The following PYGB variants were observed in gnomAD, a reference collection of about 807,000 sequenced individuals.
The protein encoded by PYGB is glycogen phosphorylase, brain form.
In PYGB, 82 loss-of-function variants were observed where a neutral mutation model predicts 94.3. The observed-to-expected ratio is 0.87, with a 90% confidence interval of 0.73 to 1.04. The LOEUF (loss-of-function observed/expected upper bound fraction) is 1.04. Ranked by LOEUF, PYGB falls within the 50% of genes least tolerant of loss-of-function variation. The pLI, the probability that PYGB is intolerant of heterozygous loss-of-function variation, is 0.00. For missense variants in PYGB, 1,132 were observed against 1,158.2 expected, an observed-to-expected ratio of 0.98 and a Z score of 0.33; for synonymous variants, 488 against 479.1, an observed-to-expected ratio of 1.02 and a Z score of -0.24.
chr20:25,284,314 G>T, intron 14 of PYGB, 63 bp downstream of exon 14: 8 of 1,569,182 alleles, frequency 5.1e-6, no homozygotes, highest in East Asian at 2.3e-5. Context: ...TTGCCCGCCA[G>T]CTGTGCACAG....
At chr20:25,279,266 T>C in intron 9 of PYGB, 117 bp downstream of exon 9, 1 of 1,146,008 alleles carries the variant, frequency 8.7e-7, no homozygotes, top group African/African-American at 1.5e-5. Context: ...TGTGTGGTCA[T>C]CATGCCCAGG....
At chr20:25,289,671 A>G (rs1368303262) in intron 15 of PYGB, among the ~76,000 whole-genome samples, 2 of 152,084 alleles carry the variant, frequency 1.3e-5, no homozygotes, top group Non-Finnish European at 2.9e-5. Flanking sequence ...AAAAAGAAGG[A>G]AACATTTGAA....
chr20:25,288,247 G>C (rs145579534), intron 14 of PYGB, 178 bp from the exon 15 acceptor site: 15,235 of 740,438 alleles, frequency 0.021, 229 homozygotes, highest in Non-Finnish European at 0.028. Context: ...GTTCCTGGTG[G>C]GTGGGCAGGT....
rs887543846 is a variant in PYGB at position 25,248,109 on chromosome 20, C to T, written c.-70C>T. 4 of 1,486,842 alleles carry T rather than the reference C, an allele frequency of 2.7e-6. No homozygotes were observed. In the African/African-American group the frequency reaches 5.8e-5, roughly 22 times the overall value. 92.1% of individuals were successfully genotyped at this position (1,486,842 alleles called of 1,614,324 possible). On this transcript the variant is annotated 5_prime_UTR_variant, in exon 1 of 20. Coordinates refer to ENST00000216962, the MANE Select transcript of PYGB (RefSeq NM_002862.4). ...CAGAGCAGCGGCGCCAGAGCAGCTG[C>T]ACCATCCCGGCGTTCGCGTGTGCCG...
chr20:25,284,287 G>C (rs969053083), intron 14 of PYGB, 36 bp downstream of exon 14: 2 of 1,598,046 alleles, frequency 1.3e-6, no homozygotes, highest in African/African-American at 1.3e-5. Flanking sequence ...CCGCGCTGTG[G>C]GGCCCAAGGC....
rs202155672 is a variant in PYGB, at chr20:25,296,618, C to G, written c.*96C>G. On this transcript the variant is annotated 3_prime_UTR_variant, in exon 20 of 20. Transcript: ENST00000216962. ...AACACTTTGCCAGCCACTGGTGGTCCCTGCTTTTCTGAGTACCATGTTTCC... is the reference window on the plus strand; with the variant it reads ...AACACTTTGCCAGCCACTGGTGGTCGCTGCTTTTCTGAGTACCATGTTTCC... 2.8e-6 allele frequency: 4 copies of G among 1,453,822 alleles called. No individual in the cohort carries two copies. Among genetic ancestry groups the G allele is most frequent in the African/African-American group, 1.4e-5 (1 of 71,246 alleles). The allele number at this position is 1,453,822 out of a possible 1,614,324, so 90.1% of individuals were successfully genotyped here.
chr20:25,267,675 C>T (rs1480953724), intron 2 of PYGB, among the ~76,000 whole-genome samples: 4 of 152,220 alleles, frequency 2.6e-5, no homozygotes, highest in Admixed American at 6.5e-5. Flanking sequence ...GGACTGTAGG[C>T]GTGCACCACC....
intron 1 of PYGB, among the ~76,000 whole-genome samples, chr20:25,253,227 C>G (rs1280150210): frequency 6.6e-6 from 1 of 152,222 alleles, no homozygotes; most frequent in East Asian, 1.9e-4. Context: ...CTGGCCCACC[C>G]CACTCTGTAG....
chr20:25,268,533 C>T (rs1318068019), intron 2 of PYGB, among the ~76,000 whole-genome samples: 2 of 151,968 alleles, frequency 1.3e-5, no homozygotes, highest in African/African-American at 4.8e-5. Flanking sequence ...TAATTCAAAT[C>T]AACAAAAGCT....
Position 25,284,235 on chromosome 20 carries a change from C to T in PYGB, c.1752C>T (p.Val584=), listed in dbSNP as rs1403666093. ...YKRQLLNCLH[V]VTLYNRIKRD... Reference sequence around the variant, plus strand: ...GGCAGCTGCTCAACTGCCTGCACGTCGTCACCCTGTACAATCGTGAGTGCC... The same window carrying T: ...GGCAGCTGCTCAACTGCCTGCACGTTGTCACCCTGTACAATCGTGAGTGCC... Residue 584 remains valine, a synonymous_variant, in exon 14 of 20, where the codon GTC becomes GTT. Transcript: ENST00000216962. 8.1e-6 allele frequency: 13 copies of T among 1,613,760 alleles called. No homozygotes were observed. Among genetic ancestry groups the T allele is most frequent in the East Asian group, 4.5e-5 (2 of 44,890 alleles).
intron 13 of PYGB, among the ~76,000 whole-genome samples, 196 bp from the exon 14 acceptor site, chr20:25,283,908 C>T (rs1375689949): frequency 6.6e-6 from 1 of 152,104 alleles, no homozygotes; most frequent in Non-Finnish European, 1.5e-5. Context: ...TTGGTGTGGA[C>T]CCACCTTCAG....
chr20:25,295,583 G>C (rs1421281648), intron 18 of PYGB, 21 bp from the exon 19 acceptor site: 7 of 1,611,584 alleles, frequency 4.3e-6, no homozygotes, highest in Non-Finnish European at 5.9e-6. Context: ...CCCTGGCCCA[G>C]CCTCCTTTCT....
At chr20:25,270,196 GT>G (rs1415279474) in intron 3 of PYGB, among the ~76,000 whole-genome samples, 1,890 of 137,692 alleles carry the variant, frequency 0.014, 50 homozygotes, top group African/African-American at 0.051. Context: ...AGTTTTTTTT[GT>G]TTTGTTTTGT....
At chr20:25,258,619 C>T (rs910296049) in intron 1 of PYGB, among the ~76,000 whole-genome samples, 1 of 152,362 alleles carries the variant, frequency 6.6e-6, no homozygotes, top group Non-Finnish European at 1.5e-5. Flanking sequence ...GGAGGCACTG[C>T]ATGGGTGGCC....
chr20:25,265,664 G>A (rs1188871090), intron 2 of PYGB, among the ~76,000 whole-genome samples: 6 of 148,288 alleles, frequency 4.0e-5, no homozygotes, highest in Admixed American at 2.7e-4. Context: ...GCGTGATCTC[G>A]GCTCACTGCA....
At chr20:25,256,506 A>C (rs1347797847) in intron 1 of PYGB, among the ~76,000 whole-genome samples, 5 of 145,024 alleles carry the variant, frequency 3.4e-5, no homozygotes, top group African/African-American at 1.1e-4. Context: ...AAAAAAAAAA[A>C]AACAAAAACA....
At position 25,282,200 on chromosome 20, in the gene PYGB, G is replaced by T. The variant is rs112103203; in HGVS notation, c.1518+53G>T. On this transcript the variant is annotated intron_variant, in intron 12 of 19. Coordinates refer to ENST00000216962, the MANE Select transcript of PYGB (RefSeq NM_002862.4). ...TGGAGATGCCTGGGCTGAGAACCGC[G>T]GGCCATGTCATCAGCCCCTGCTGAG... The T allele has an allele frequency of 5.6e-6, 8 of 1,439,044 alleles. No individual in the cohort carries two copies. The East Asian group carries it at 1.6e-4, about 29-fold the overall frequency. 89.1% of individuals were successfully genotyped at this position (1,439,044 alleles called of 1,614,324 possible). A position where few individuals can be genotyped will look rare whatever the true frequency, so the allele number is the denominator to read the frequency against.
At position 25,269,120 on chromosome 20, in the gene PYGB, T is replaced by A; in HGVS notation, c.346-9T>A. 1 of 1,554,212 alleles carries A rather than the reference T, an allele frequency of 6.4e-7. No individual in the cohort carries two copies. Among genetic ancestry groups the A allele is most frequent in the Non-Finnish European group, 8.9e-7 (1 of 1,125,572 alleles). On this transcript the variant is annotated splice_polypyrimidine_tract_variant and intron_variant, in intron 2 of 19. Coordinates refer to ENST00000216962, the MANE Select transcript of PYGB (RefSeq NM_002862.4). ...AACATTAAAATGCTGCCTGTGTTTT[T>A]GTTTGCAGTTGGGGTTAGACTTGGA...
At chr20:25,277,377 T>C (rs1464336786) in intron 7 of PYGB, 51 bp downstream of exon 7, 1 of 1,506,562 alleles carries the variant, frequency 6.6e-7, no homozygotes, top group Non-Finnish European at 9.2e-7. Flanking sequence ...CTTTCTGGCA[T>C]AGAGAGGTGG....
Sources: allele counts gnomAD v4.1 joint callset (sites outside exome capture counted in the v4.1 genomes callset), GRCh38; gene constraint gnomAD v4.1.1; transcripts MANE v1.5; gene names NCBI Gene and HGNC (gene_info 2026-07-23, HGNC 2026-07-21).